The following MSR1 variants were observed in gnomAD, a reference collection of about 807,000 sequenced individuals.
The protein encoded by MSR1 is macrophage scavenger receptor types I and II.
In MSR1, 53 loss-of-function variants were observed where a neutral mutation model predicts 47.2. The ratio of observed to expected loss-of-function variants is 1.12; its 90% CI spans 0.90 to 1.41. The LOEUF (loss-of-function observed/expected upper bound fraction) is 1.41. MSR1 is among the 40% of genes most tolerant of loss of function. The pLI, the probability that MSR1 is intolerant of heterozygous loss-of-function variation, is 0.00. For missense variants in MSR1, 786 were observed against 546.9 expected, an observed-to-expected ratio of 1.44 and a Z score of -4.36; for synonymous variants, 239 against 185.6, an observed-to-expected ratio of 1.29 and a Z score of -2.34.
intron 9 of MSR1, among the ~76,000 whole-genome samples, chr8:16,116,882 C>T (rs970305779): frequency 1.2e-4 from 18 of 151,922 alleles, no homozygotes; most frequent in Admixed American, 3.3e-4. Context: ...CTAGAGATGA[C>T]GTCTTGTTCA....
At chr8:16,182,864 G>A (rs1299363932) in intron 1 of MSR1, among the ~76,000 whole-genome samples, 2 of 152,022 alleles carry the variant, frequency 1.3e-5, no homozygotes, top group Non-Finnish European at 1.5e-5. Flanking sequence ...GTATAATATG[G>A]TAAATACATA....
intron 9 of MSR1, among the ~76,000 whole-genome samples, chr8:16,119,314 C>T (rs980479818): frequency 6.6e-6 from 1 of 151,756 alleles, no homozygotes; most frequent in African/African-American, 2.4e-5. Context: ...CAACCTCCAC[C>T]TCCTGGGTCC....
At chr8:16,114,524 G>C (rs996528965) in intron 9 of MSR1, among the ~76,000 whole-genome samples, 1 of 151,990 alleles carries the variant, frequency 6.6e-6, no homozygotes, top group Admixed American at 6.6e-5. Context: ...TTGCTGCAGG[G>C]AGACCACAGG....
intron 4 of MSR1, among the ~76,000 whole-genome samples, chr8:16,167,938 A>G (rs563586133): frequency 6.6e-6 from 1 of 152,290 alleles, no homozygotes; most frequent in African/African-American, 2.4e-5. Context: ...ATGGAATAGA[A>G]ACGGAATATC....
intron 9 of MSR1, among the ~76,000 whole-genome samples, chr8:16,111,903 G>A (rs1400834267): frequency 6.6e-6 from 1 of 152,156 alleles, no homozygotes; most frequent in East Asian, 1.9e-4. Flanking sequence ...CTGAGCCACT[G>A]CCTTAAATCA....
At chr8:16,149,969 C>T (rs994675783) in intron 7 of MSR1, among the ~76,000 whole-genome samples, 2 of 151,452 alleles carry the variant, frequency 1.3e-5, no homozygotes, top group Non-Finnish European at 2.9e-5. Flanking sequence ...AGACTTTCCT[C>T]GGGTGAACAG....
intron 4 of MSR1, among the ~76,000 whole-genome samples, chr8:16,167,083 G>A (rs1476918232): frequency 6.6e-6 from 1 of 152,028 alleles, no homozygotes; most frequent in East Asian, 1.9e-4. Flanking sequence ...TTCTAATGCT[G>A]GAATTCCCTC....
At chr8:16,113,720 T>G (rs1211116727) in intron 9 of MSR1, among the ~76,000 whole-genome samples, 1 of 152,168 alleles carries the variant, frequency 6.6e-6, no homozygotes, top group Non-Finnish European at 1.5e-5. Flanking sequence ...TAACATAGCT[T>G]TAAGACTTTG....
At chr8:16,162,106 T>C (rs1801179315) in intron 5 of MSR1, among the ~76,000 whole-genome samples, 1 of 151,998 alleles carries the variant, frequency 6.6e-6, no homozygotes, top group Non-Finnish European at 1.5e-5. Context: ...CAGCAAATGT[T>C]AGATGGATAA....
At chr8:16,122,365 T>G (rs1373185588) in intron 8 of MSR1, among the ~76,000 whole-genome samples, 3 of 152,136 alleles carry the variant, frequency 2.0e-5, no homozygotes, top group African/African-American at 7.2e-5. Flanking sequence ...TAGTGTGATA[T>G]CCAAATGTTT....
chr8:16,137,861 G>C (rs1020807322), intron 8 of MSR1, among the ~76,000 whole-genome samples: 2 of 151,968 alleles, frequency 1.3e-5, no homozygotes, highest in Non-Finnish European at 2.9e-5. Context: ...GCATGGTGGT[G>C]TGTGCCTAAA....
At chr8:16,116,173 T>C (rs1304524393) in intron 9 of MSR1, among the ~76,000 whole-genome samples, 4 of 152,178 alleles carry the variant, frequency 2.6e-5, no homozygotes, top group African/African-American at 7.2e-5. Flanking sequence ...CAATACAACA[T>C]TGTGAGTCAG....
chr8:16,146,172 T>G (rs1800691808), intron 7 of MSR1, among the ~76,000 whole-genome samples: 1 of 152,052 alleles, frequency 6.6e-6, no homozygotes, highest in Admixed American at 6.6e-5. Context: ...CCATCCCCCG[T>G]TTCTTTCAAG....
intron 6 of MSR1, among the ~76,000 whole-genome samples, chr8:16,150,940 G>T (rs1412876976): frequency 1.3e-5 from 2 of 150,110 alleles, no homozygotes; most frequent in South Asian, 4.2e-4. Flanking sequence ...ACAAATCCAG[G>T]GTTTCATATG....
intron 3 of MSR1, among the ~76,000 whole-genome samples, chr8:16,172,760 G>T (rs111973821): frequency 2.6e-5 from 4 of 151,854 alleles, no homozygotes; most frequent in Admixed American, 6.6e-5. Context: ...TATTTCAGCA[G>T]CTTCTTTAAG....
intron 4 of MSR1, 141 bp from the exon 5 acceptor site, chr8:16,164,392 C>G (rs1273703859): frequency 1.5e-6 from 1 of 688,646 alleles, no homozygotes; most frequent in East Asian, 2.7e-5. Flanking sequence ...AATTAGAAAA[C>G]TGTTTTGAAA....
intron 8 of MSR1, among the ~76,000 whole-genome samples, chr8:16,139,128 T>G (rs776435974): frequency 2.0e-5 from 3 of 152,214 alleles, no homozygotes; most frequent in Non-Finnish European, 4.4e-5. Flanking sequence ...CTGGTCACAC[T>G]TGCATTGCTC....
intron 6 of MSR1, 95 bp downstream of exon 6, chr8:16,154,969 G>T: frequency 2.0e-6 from 2 of 1,007,714 alleles, no homozygotes; most frequent in East Asian, 2.5e-5. Flanking sequence ...TCCTCTGCAG[G>T]ATATAAATAA....
At chr8:16,186,385 T>C (rs893264719) in intron 1 of MSR1, 24 of 567,598 alleles carry the variant, frequency 4.2e-5, no homozygotes, top group Non-Finnish European at 6.2e-5. Context: ...CTTAAGTCTT[T>C]ATCTCTTGCC....
Sources: gnomAD v4.1 joint callset for allele counts (sites outside exome capture counted in the v4.1 genomes callset) on GRCh38, gnomAD v4.1.1 for gene constraint, MANE v1.5 for transcripts, NCBI Gene and HGNC (gene_info 2026-07-23, HGNC 2026-07-21) for gene names.